ANKRD39: variants seen among roughly 807,000 people sequenced by gnomAD.
ANKRD39 encodes the protein ankyrin repeat domain-containing protein 39.
ANKRD39 carries 18 observed loss-of-function variants against 20.3 expected under a neutral mutation model. That is an observed-to-expected ratio of 0.89 (90% CI 0.61 to 1.32). The LOEUF is 1.32. ANKRD39 is among the 40% of genes most tolerant of loss of function. ANKRD39 has a pLI of 0.00. For synonymous variants in ANKRD39, 106 were observed against 111.9 expected (o/e 0.95, Z 0.33); for missense variants, 243 against 250.7 (o/e 0.97, Z 0.21).
Position 96,854,412 on chromosome 2 carries a change from G to A in ANKRD39, c.130C>T (p.Leu44=), listed in dbSNP as rs1466636660. Residue 44 remains leucine, a synonymous_variant, in exon 2 of 4, where the codon CTG becomes TTG. Coordinates refer to ENST00000393537, the MANE Select transcript of ANKRD39 (RefSeq NM_016466.6). Reference sequence around the variant, plus strand: ...TGGATTAAATGCTTCACTCGGCCCAGGTCTCCATTCAGGGCTGCCGACCAG... The same window carrying A: ...TGGATTAAATGCTTCACTCGGCCCAAGTCTCCATTCAGGGCTGCCGACCAG... ...GIWSAALNGD[L]GRVKHLIQKA... 1.9e-6 allele frequency: 3 copies of A among 1,614,166 alleles called. No homozygotes were observed. The highest frequency in any genetic ancestry group is 1.7e-5 in the Admixed American group (1 of 60,016).
chr2:96,848,291 G>T lies in ANKRD39; in HGVS notation c.*10C>A. The T allele has an allele frequency of 6.2e-7, 1 of 1,613,770 alleles. No individual in the cohort carries two copies. Among genetic ancestry groups the T allele is most frequent in the Non-Finnish European group, 8.5e-7 (1 of 1,179,902 alleles). On this transcript the variant is annotated 3_prime_UTR_variant, in exon 4 of 4. Coordinates refer to ENST00000393537, the MANE Select transcript of ANKRD39 (RefSeq NM_016466.6). Reference sequence around the variant, plus strand: ...TACCCTTTAAAGGCAGCTGGAGATAGGGTGGCGGCTCAGCTGGATAGCAGG... The same window carrying T: ...TACCCTTTAAAGGCAGCTGGAGATATGGTGGCGGCTCAGCTGGATAGCAGG...
In ANKRD39 at chr2:96,848,691, C is replaced by T. The variant is rs147146215; in HGVS notation, c.409-247G>A. 6.4e-3 allele frequency among the ~76,000 whole-genome samples: 978 copies of T among 152,206 alleles called. 10 individuals are homozygous for T. Among genetic ancestry groups the T allele is most frequent in the African/African-American group, 0.022 (905 of 41,522 alleles). On this transcript the variant is annotated intron_variant, in intron 3 of 3. Transcript: ENST00000393537. ...CAAAAATTAGCCAAGTGTGGTGGCACGTGCCTGTAATCCCAGCTACTCAGG... is the reference window on the plus strand; with the variant it reads ...CAAAAATTAGCCAAGTGTGGTGGCATGTGCCTGTAATCCCAGCTACTCAGG...
chr2:96,854,362 G>C lies in ANKRD39; in HGVS notation c.180C>G (p.Pro60=). ...CCAGCGCAGTGTAGCCGGCCGAGTC[G>C]GGCTGACTTGGGTCCTCGGCCTTCT... is the stretch of plus-strand genomic sequence containing the variant. ...LIQKAEDPSQ[P]DSAGYTALHY... The change falls in exon 2 of 4, where the codon CCC becomes CCG. Residue 60 remains proline (P), a synonymous_variant. Transcript: ENST00000393537. The C allele has an allele frequency of 6.2e-7, 1 of 1,614,036 alleles. No homozygotes were observed. The highest frequency in any genetic ancestry group is 8.5e-7 in the Non-Finnish European group (1 of 1,179,992).
intron 3 of ANKRD39, among the ~76,000 whole-genome samples, chr2:96,851,397 C>G (rs907050034): frequency 1.1e-4 from 16 of 152,110 alleles, no homozygotes; most frequent in African/African-American, 3.9e-4. Flanking sequence ...CTCACGTGAT[C>G]TGCCCGCCTC....
At position 96,848,424 on chromosome 2, in the gene ANKRD39, C is replaced by T. The variant is rs750281190; in HGVS notation, c.429G>A (p.Gly143=). ...GTTGCAGGAGGAGGGAGCAGATGTCCCCGTGACCCCTCTCAGCAGCCTGTG... is the reference window on the plus strand; with the variant it reads ...GTTGCAGGAGGAGGGAGCAGATGTCTCCGTGACCCCTCTCAGCAGCCTGTG... ...SLHKAAERGH[G]DICSLLLQHS... Residue 143 remains glycine (G), a synonymous_variant, in exon 4 of 4, where the codon GGG becomes GGA. Coordinates refer to ENST00000393537, the MANE Select transcript of ANKRD39 (RefSeq NM_016466.6). The T allele has an allele frequency of 6.2e-7, 1 of 1,614,110 alleles. No individual in the cohort carries two copies. Among genetic ancestry groups the T allele is most frequent in the Non-Finnish European group, 8.5e-7 (1 of 1,180,018 alleles).
chr2:96,853,539 A>C lies in ANKRD39; in HGVS notation c.270T>G (p.Cys90Trp), dbSNP rs964524213. The part of the protein sequence containing the change: ...CQFLLESGAK[C>W]DAQTHGGATA... ...TGGCACCCCCGTGGGTCTGGGCATC[A>C]CACTTAGCTCCGCTTTCCAGCAGGA... is the stretch of plus-strand genomic sequence containing the variant. The change falls in exon 3 of 4, where the codon TGT (cysteine) becomes TGG (tryptophan). Residue 90 changes from cysteine (C) to tryptophan (W), a missense_variant. By Grantham distance (215) the Cys-to-Trp change is radical (BLOSUM62 -2). Transcript: ENST00000393537. The C allele has an allele frequency of 6.2e-7, 1 of 1,613,098 alleles. No individual in the cohort carries two copies. Among genetic ancestry groups the C allele is most frequent in the Admixed American group, 1.7e-5 (1 of 60,020 alleles).
chr2:96,854,192 T>C (rs1388269494), intron 2 of ANKRD39, 146 bp downstream of exon 2: 2 of 776,206 alleles, frequency 2.6e-6, no homozygotes, highest in Admixed American at 2.5e-5. Flanking sequence ...TCCAGGTTCA[T>C]ATGATGCTTA....
At position 96,848,478 on chromosome 2, in the gene ANKRD39, C is replaced by T. The variant is rs180811750; in HGVS notation, c.409-34G>A. 2.9e-5 allele frequency: 47 copies of T among 1,609,460 alleles called. No homozygotes were observed. The Admixed American group carries it at 4.7e-4, about 16-fold the overall frequency. The stretch of plus-strand genomic sequence containing the variant: ...AGAAAGGCTGGAATCAAAGGGCATA[C>T]CCCCCCACTGGGCTCTGCTCTCTCT... On this transcript the variant is annotated intron_variant, in intron 3 of 3. Transcript: ENST00000393537.
intron 3 of ANKRD39, among the ~76,000 whole-genome samples, chr2:96,852,386 CAAAAAA>C (rs1232527949): frequency 4.4e-4 from 20 of 45,688 alleles, no homozygotes; most frequent in African/African-American, 1.6e-3. Context: ...GACCCTGTCT[CAAAAAA>C]AAAAAAAAAA....
chr2:96,849,088 G>A (rs994237461), intron 3 of ANKRD39, among the ~76,000 whole-genome samples: 10 of 152,266 alleles, frequency 6.6e-5, no homozygotes, highest in African/African-American at 2.4e-5. Context: ...GTGGGCACAG[G>A]AGGCACCAGA....
chr2:96,851,354 C>G (rs2079836302), intron 3 of ANKRD39, among the ~76,000 whole-genome samples: 1 of 152,150 alleles, frequency 6.6e-6, no homozygotes, highest in South Asian at 2.1e-4. Context: ...CGGGGTTTCT[C>G]CATGTTGGTC....
chr2:96,848,053 T>A lies in ANKRD39; in HGVS notation c.*248A>T. 2.4e-6 allele frequency: 1 copy of A among 420,812 alleles called. No homozygotes were observed. The highest frequency in any genetic ancestry group is 4.3e-6 in the Non-Finnish European group (1 of 234,910). 26.1% of individuals were successfully genotyped at this position (420,812 alleles called of 1,614,324 possible). A position where few individuals can be genotyped will look rare whatever the true frequency, so the allele number is the denominator to read the frequency against. On this transcript the variant is annotated 3_prime_UTR_variant, in exon 4 of 4. Transcript: ENST00000393537. ...TTGGGTGTGGGATGAGGTAAGGATA[T>A]AACTTTATTTTTTTCCAAATAAATA...
chr2:96,855,937 G>A (rs973294644), intron 1 of ANKRD39, among the ~76,000 whole-genome samples: 2 of 151,830 alleles, frequency 1.3e-5, no homozygotes, highest in Non-Finnish European at 2.9e-5. Context: ...CCGAGATTGC[G>A]CCACTAAAGC....
intron 3 of ANKRD39, among the ~76,000 whole-genome samples, chr2:96,849,647 C>T (rs1341989531): frequency 6.6e-6 from 1 of 151,628 alleles, no homozygotes; most frequent in Admixed American, 6.6e-5. Context: ...GAGACTCCAT[C>T]TCAAAAAATA....
chr2:96,850,725 ATC>A (rs1209248457), intron 3 of ANKRD39, among the ~76,000 whole-genome samples: 2 of 152,118 alleles, frequency 1.3e-5, no homozygotes, highest in African/African-American at 4.8e-5. Flanking sequence ...AAATTCACAT[ATC>A]TCACATTTGC....
At chr2:96,854,283 G>T in intron 2 of ANKRD39, 55 bp downstream of exon 2, 1 of 1,532,472 alleles carries the variant, frequency 6.5e-7, no homozygotes, top group Non-Finnish European at 9.0e-7. Context: ...CAGAGAGCAG[G>T]TGTCTCCTGA....
intron 3 of ANKRD39, among the ~76,000 whole-genome samples, chr2:96,850,685 A>AC (rs1273650413): frequency 6.6e-6 from 1 of 151,964 alleles, no homozygotes; most frequent in East Asian, 1.9e-4. Context: ...ACAAAACAAA[A>AC]AAAAAAACAA....
chr2:96,856,930 T>C (rs1054806460), intron 1 of ANKRD39, among the ~76,000 whole-genome samples: 3 of 152,030 alleles, frequency 2.0e-5, no homozygotes, highest in African/African-American at 4.8e-5. Context: ...GGCGTAGTGA[T>C]TGGGGGAAGA....
intron 1 of ANKRD39, 67 bp from the exon 2 acceptor site, chr2:96,854,508 G>T: frequency 6.9e-7 from 1 of 1,457,014 alleles, no homozygotes; most frequent in South Asian, 1.2e-5. Flanking sequence ...TTTGCCTCTT[G>T]ACCTCAGTTT....
Sources: allele counts gnomAD v4.1 joint callset (sites outside exome capture counted in the v4.1 genomes callset), GRCh38; gene constraint gnomAD v4.1.1; transcripts MANE v1.5; gene names NCBI Gene and HGNC (gene_info 2026-07-23, HGNC 2026-07-21).